The following FUT9 variants were observed in gnomAD, a reference collection of about 807,000 sequenced individuals.
FUT9 encodes the protein fucosyltransferase 9, also known as 4-galactosyl-N-acetylglucosaminide 3-alpha-L-fucosyltransferase 9.
In FUT9, 15 loss-of-function variants were observed where a neutral mutation model predicts 29.7. The observed-to-expected ratio is 0.51, with a 90% confidence interval of 0.34 to 0.78. FUT9 has a LOEUF of 0.78. Ranked by LOEUF, FUT9 falls within the 30% of genes least tolerant of loss-of-function variation. The probability of loss-of-function intolerance (pLI) is 0.01; values close to 1 mark genes in which losing one functional copy is unlikely to be tolerated. For missense variants in FUT9, 319 were observed against 425.4 expected, an observed-to-expected ratio of 0.75 and a Z score of 2.20; for synonymous variants, 169 against 153.7, an observed-to-expected ratio of 1.10 and a Z score of -0.74.
At chr6:96,181,335 T>C (rs988961531) in intron 2 of FUT9, among the ~76,000 whole-genome samples, 20 of 152,020 alleles carry the variant, frequency 1.3e-4, no homozygotes, top group Admixed American at 1.1e-3. Context: ...TTAGAACACA[T>C]AGTCTCTGGT....
rs1255718712 is a variant in FUT9 at position 96,159,383 on chromosome 6, T to A, written c.-8-43765T>A. On this transcript the variant is annotated intron_variant, in intron 2 of 2. Transcript: ENST00000302103. ...GCCAAAGAACAAAAAATTAAGAGCA[T>A]CTTTTCTCTATAACTTCCTTCCAAA... is the stretch of plus-strand genomic sequence containing the variant. Among the ~76,000 whole-genome samples the A allele has an allele frequency of 4.6e-5, 7 of 152,072 alleles. No individual in the cohort carries two copies. The South Asian group carries it at 1.2e-3, about 27-fold the overall frequency.
chr6:96,127,509 A>G (rs573426066), intron 2 of FUT9, among the ~76,000 whole-genome samples: 1 of 152,236 alleles, frequency 6.6e-6, no homozygotes, highest in South Asian at 2.1e-4. Context: ...ATACCTGCGC[A>G]TGTGTCTTTA....
intron 1 of FUT9, among the ~76,000 whole-genome samples, chr6:96,068,800 G>A (rs1189454827): frequency 6.6e-6 from 1 of 152,100 alleles, no homozygotes; most frequent in Admixed American, 6.5e-5. Flanking sequence ...TGTGAAAATA[G>A]TGTTTGTAAA....
At position 96,118,480 on chromosome 6, in the gene FUT9, T is replaced by G. The variant is rs796476828; in HGVS notation, c.-9+4353T>G. On this transcript the variant is annotated intron_variant, in intron 2 of 2. Coordinates refer to ENST00000302103, the MANE Select transcript of FUT9 (RefSeq NM_006581.4). ...AGAACTTAGTAGCACACAACTCACATGTTTGTGATGATGCTGGTGTAAACA... is the reference window on the plus strand; with the variant it reads ...AGAACTTAGTAGCACACAACTCACAGGTTTGTGATGATGCTGGTGTAAACA... Among the ~76,000 whole-genome samples the G allele has an allele frequency of 2.4e-4, 36 of 152,358 alleles. 1 individual carries two copies. The highest frequency in any genetic ancestry group is 8.4e-4 in the African/African-American group (35 of 41,574).
At chr6:96,139,832 A>G (rs929005077) in intron 2 of FUT9, among the ~76,000 whole-genome samples, 11 of 152,054 alleles carry the variant, frequency 7.2e-5, no homozygotes, top group African/African-American at 2.7e-4. Context: ...GAGGCTGCAT[A>G]GAGTGGGGCC....
At chr6:96,105,578 C>CA (rs1771663604) in intron 1 of FUT9, among the ~76,000 whole-genome samples, 1 of 152,068 alleles carries the variant, frequency 6.6e-6, no homozygotes, top group African/African-American at 2.4e-5. Context: ...ATTGATTTCC[C>CA]AAGAGCCTTT....
At chr6:96,140,217 A>T (rs1466052737) in intron 2 of FUT9, among the ~76,000 whole-genome samples, 1 of 152,168 alleles carries the variant, frequency 6.6e-6, no homozygotes, top group Admixed American at 6.6e-5. Context: ...TCATCTCCAT[A>T]TGACACCACC....
Position 96,018,624 on chromosome 6 carries a change from C to T in FUT9, c.-98+2412C>T, listed in dbSNP as rs572167843. Among the ~76,000 whole-genome samples, 8 of 151,908 alleles carry T rather than the reference C, an allele frequency of 5.3e-5. No individual in the cohort carries two copies. In the East Asian group the frequency reaches 1.4e-3, roughly 26 times the overall value. On this transcript the variant is annotated intron_variant, in intron 1 of 2. Coordinates refer to ENST00000302103, the MANE Select transcript of FUT9 (RefSeq NM_006581.4). ...TATAATGCTCATAATTATATGCCAC[C>T]TAGAGGATGACGGGTTTAAGTATTT... is the stretch of plus-strand genomic sequence containing the variant.
intron 1 of FUT9, among the ~76,000 whole-genome samples, chr6:96,072,325 G>A (rs1771076583): frequency 6.6e-6 from 1 of 152,088 alleles, no homozygotes; most frequent in African/African-American, 2.4e-5. Context: ...AGGAATGACT[G>A]ATTATAAATA....
rs532081817 is a variant in FUT9, at chr6:96,042,889, C to T, written c.-98+26677C>T. Among the ~76,000 whole-genome samples the T allele has an allele frequency of 1.2e-3, 188 of 152,170 alleles. 1 individual carries two copies. The highest frequency in any genetic ancestry group is 4.3e-3 in the African/African-American group (179 of 41,506). ...TTAATTTATTAAGCTTCCTTTGTGC[C>T]GATAAACTATGTACTTAGCATTTAA... On this transcript the variant is annotated intron_variant, in intron 1 of 2. Coordinates refer to ENST00000302103, the MANE Select transcript of FUT9 (RefSeq NM_006581.4).
intron 1 of FUT9, among the ~76,000 whole-genome samples, chr6:96,073,124 T>C (rs758139035): frequency 2.6e-5 from 4 of 152,124 alleles, no homozygotes; most frequent in Non-Finnish European, 5.9e-5. Context: ...AAATCAGATG[T>C]CTCACAGAGA....
At chr6:96,033,236 A>G (rs1306445846) in intron 1 of FUT9, among the ~76,000 whole-genome samples, 1 of 151,708 alleles carries the variant, frequency 6.6e-6, no homozygotes, top group Admixed American at 6.6e-5. Flanking sequence ...CTTTGTTCTA[A>G]GATTTTGAAT....
At chr6:96,025,886 AC>A (rs2127923843) in intron 1 of FUT9, among the ~76,000 whole-genome samples, 2 of 151,808 alleles carry the variant, frequency 1.3e-5, no homozygotes, top group East Asian at 3.9e-4. Flanking sequence ...GAGATGAAGG[AC>A]AATTTATTTT....
intron 1 of FUT9, among the ~76,000 whole-genome samples, chr6:96,094,469 T>C (rs1451196938): frequency 1.3e-5 from 2 of 152,140 alleles, no homozygotes; most frequent in Admixed American, 1.3e-4. Context: ...AATAAGGAAA[T>C]TTAAAAAATC....
chr6:96,072,313 A>G (rs1771076481), intron 1 of FUT9, among the ~76,000 whole-genome samples: 1 of 152,186 alleles, frequency 6.6e-6, no homozygotes, highest in Admixed American at 6.5e-5. Context: ...CAGTCAGAGC[A>G]TAGGAATGAC....
chr6:96,088,087 T>A (rs1434482205), intron 1 of FUT9, among the ~76,000 whole-genome samples: 2 of 152,148 alleles, frequency 1.3e-5, no homozygotes, highest in African/African-American at 4.8e-5. Flanking sequence ...CTTTATTTCC[T>A]ATATTACATA....
At chr6:96,174,706 A>G (rs1001813351) in intron 2 of FUT9, among the ~76,000 whole-genome samples, 6 of 152,192 alleles carry the variant, frequency 3.9e-5, no homozygotes, top group African/African-American at 1.2e-4. Context: ...AAGAAACAAT[A>G]AAGTGAACTG....
rs952784022 is a variant in FUT9 at position 96,206,889 on chromosome 6, T to G, written c.*2654T>G. 1 of 167,066 alleles carries G rather than the reference T, an allele frequency of 6.0e-6. No homozygotes were observed. The highest frequency in any genetic ancestry group is 2.4e-5 in the African/African-American group (1 of 41,434). The allele number at this position is 167,066 out of a possible 1,614,324, so 10.3% of individuals were successfully genotyped here. A position where few individuals can be genotyped will look rare whatever the true frequency, so the allele number is the denominator to read the frequency against. ...GAAAGACCTAAAGGCAGTGTCTCTA[T>G]TGTTGACTACAAATGTAGGCTCTTT... is the stretch of plus-strand genomic sequence containing the variant. On this transcript the variant is annotated 3_prime_UTR_variant, in exon 3 of 3. Transcript: ENST00000302103.
intron 1 of FUT9, among the ~76,000 whole-genome samples, chr6:96,077,433 G>A (rs1771157712): frequency 6.6e-6 from 1 of 152,040 alleles, no homozygotes; most frequent in Non-Finnish European, 1.5e-5. Context: ...CTACGTAACT[G>A]TTCCTATTTT....
Sources: gnomAD v4.1 joint callset for allele counts (sites outside exome capture counted in the v4.1 genomes callset) on GRCh38, gnomAD v4.1.1 for gene constraint, MANE v1.5 for transcripts, NCBI Gene and HGNC (gene_info 2026-07-23, HGNC 2026-07-21) for gene names.